APP: variants seen among roughly 807,000 people sequenced by gnomAD.
APP encodes the protein amyloid-beta precursor protein.
APP carries 31 observed loss-of-function variants against 101.4 expected under a neutral mutation model. The ratio of observed to expected loss-of-function variants is 0.31; its 90% CI spans 0.23 to 0.41. The LOEUF is 0.41. Ranked by LOEUF, APP falls within the 10% of genes least tolerant of loss-of-function variation. The probability of loss-of-function intolerance (pLI) is 1.00; values close to 1 mark genes in which losing one functional copy is unlikely to be tolerated. For missense variants in APP, 839 were observed against 1,003.7 expected (o/e 0.84, Z 2.22); for synonymous variants, 366 against 364.4 (o/e 1.00, Z -0.05).
chr21:26,031,263 A>G (rs2044805624), intron 5 of APP, among the ~76,000 whole-genome samples: 1 of 152,224 alleles, frequency 6.6e-6, no homozygotes, highest in Admixed American at 6.5e-5. Context: ...AAAGCAACCT[A>G]GGAAAGTCAC....
At chr21:26,160,684 G>T (rs2063471245) in intron 1 of APP, among the ~76,000 whole-genome samples, 2 of 152,000 alleles carry the variant, frequency 1.3e-5, no homozygotes, top group Admixed American at 1.3e-4. Flanking sequence ...AAAAGACAAT[G>T]ACAGAGAAAT....
intron 1 of APP, among the ~76,000 whole-genome samples, chr21:26,158,636 A>C (rs2063422878): frequency 6.6e-6 from 1 of 152,198 alleles, no homozygotes; most frequent in African/African-American, 2.4e-5. Flanking sequence ...AAAGTACTCC[A>C]TTTCTAAGAA....
At chr21:25,971,542 T>C (rs1407301043) in intron 11 of APP, among the ~76,000 whole-genome samples, 4 of 152,182 alleles carry the variant, frequency 2.6e-5, no homozygotes, top group South Asian at 2.1e-4. Flanking sequence ...ATCAAGGTAG[T>C]TGTAATTCAC....
chr21:26,168,315 CTCGTAATTACA>C (rs1453271759), intron 1 of APP, among the ~76,000 whole-genome samples: 3 of 152,140 alleles, frequency 2.0e-5, no homozygotes, highest in African/African-American at 7.2e-5. Flanking sequence ...AGACAGTCAA[CTCGTAATTACA>C]TCTTTTCAGT....
intron 6 of APP, among the ~76,000 whole-genome samples, chr21:26,000,766 C>A (rs537252201): frequency 6.6e-6 from 1 of 152,052 alleles, no homozygotes; most frequent in Non-Finnish European, 1.5e-5. Context: ...TAACTTAAGA[C>A]CATTCATTTG....
chr21:25,903,859 GTC>G (rs1385279867), intron 15 of APP, among the ~76,000 whole-genome samples: 3 of 152,188 alleles, frequency 2.0e-5, no homozygotes, highest in African/African-American at 7.2e-5. Flanking sequence ...TCACACTACT[GTC>G]TCTGCTGCCA....
chr21:25,962,455 C>T (rs1385899361), intron 11 of APP, among the ~76,000 whole-genome samples: 1 of 152,160 alleles, frequency 6.6e-6, no homozygotes, highest in East Asian at 1.9e-4. Flanking sequence ...TAACTTGCAG[C>T]TAGATACAAT....
At chr21:26,048,983 T>C (rs951413266) in intron 5 of APP, among the ~76,000 whole-genome samples, 16 of 152,130 alleles carry the variant, frequency 1.1e-4, no homozygotes, top group African/African-American at 3.9e-4. Context: ...GTCACATACA[T>C]GTATAAGGCT....
chr21:26,080,049 G>A (rs986800541), intron 3 of APP, among the ~76,000 whole-genome samples: 1 of 150,372 alleles, frequency 6.7e-6, no homozygotes. Context: ...ACTTGAACCC[G>A]GGAGGCAGAG....
intron 3 of APP, among the ~76,000 whole-genome samples, chr21:26,054,174 A>C (rs2045945838): frequency 6.6e-6 from 1 of 152,228 alleles, no homozygotes; most frequent in South Asian, 2.1e-4. Flanking sequence ...GAGATAAGGA[A>C]AGTGTCAGGC....
At chr21:25,996,789 A>T (rs1035965160) in intron 8 of APP, among the ~76,000 whole-genome samples, 1 of 152,088 alleles carries the variant, frequency 6.6e-6, no homozygotes, top group Admixed American at 6.5e-5. Context: ...ATAATAACTC[A>T]AGTCTTTGGA....
intron 9 of APP, among the ~76,000 whole-genome samples, chr21:25,978,493 G>A (rs2042306039): frequency 6.6e-6 from 1 of 152,150 alleles, no homozygotes. Context: ...AAAAGGGAGA[G>A]GGAAGAATAT....
chr21:25,977,442 G>T (rs2042264989), intron 9 of APP, among the ~76,000 whole-genome samples: 1 of 152,092 alleles, frequency 6.6e-6, no homozygotes, highest in Admixed American at 6.5e-5. Context: ...GTTTTTTGTA[G>T]GTACTTAGCC....
At chr21:26,055,747 T>C (rs746188414) in intron 3 of APP, among the ~76,000 whole-genome samples, 2 of 152,164 alleles carry the variant, frequency 1.3e-5, no homozygotes, top group Non-Finnish European at 2.9e-5. Flanking sequence ...ACTGGAAAGA[T>C]TAAATGCCTG....
chr21:26,090,989 T>G (rs1208647056), intron 2 of APP, among the ~76,000 whole-genome samples: 1 of 152,230 alleles, frequency 6.6e-6, no homozygotes, highest in African/African-American at 2.4e-5. Context: ...ATGTGAAACT[T>G]GATCAATTAA....
intron 17 of APP, among the ~76,000 whole-genome samples, chr21:25,887,601 T>C (rs192300439): frequency 3.3e-5 from 5 of 151,638 alleles, no homozygotes; most frequent in African/African-American, 1.2e-4. Context: ...AATACAGTTA[T>C]GGGCCACATA....
intron 13 of APP, among the ~76,000 whole-genome samples, chr21:25,919,993 C>G (rs2039549109): frequency 8.6e-6 from 1 of 116,340 alleles, no homozygotes; most frequent in Non-Finnish European, 1.8e-5. Context: ...TCGGGTTACC[C>G]TCAAAGGGAA....
chr21:26,021,994 C>CA lies in APP; in HGVS notation c.710dup (p.Glu238GlyfsTer7). The CA allele has an allele frequency of 6.2e-7, 1 of 1,614,102 alleles. No homozygotes were observed. The highest frequency in any genetic ancestry group is 8.5e-7 in the Non-Finnish European group (1 of 1,180,006). On this transcript the variant is annotated frameshift_variant, in exon 6 of 18. Coordinates refer to ENST00000346798, the MANE Select transcript of APP (RefSeq NM_000484.4). LOFTEE classifies it high-confidence loss of function. ...CGTCATCATCGGCTTCTTCTTCTTC[C>CA]ACCTCAGCCACTTCTTCCTCCTCTG...
At chr21:25,881,897 T>G in intron 17 of APP, 126 bp from the exon 18 acceptor site, 4 of 964,124 alleles carry the variant, frequency 4.1e-6, no homozygotes, top group South Asian at 2.8e-5. Flanking sequence ...ACACCCATAA[T>G]TTTCTCCCCC....
Sources: allele counts gnomAD v4.1 joint callset (sites outside exome capture counted in the v4.1 genomes callset), GRCh38; gene constraint gnomAD v4.1.1; transcripts MANE v1.5; gene names NCBI Gene and HGNC (gene_info 2026-07-23, HGNC 2026-07-21).